Variants in SCYL2 observed in about 807,000 individuals in gnomAD.
SCYL2 encodes the protein SCY1-like protein 2.
Under a neutral mutation model 100.4 loss-of-function variants are expected in SCYL2, and 36 were observed. The ratio of observed to expected loss-of-function variants is 0.36; its 90% CI spans 0.27 to 0.47. The LOEUF (loss-of-function observed/expected upper bound fraction) is 0.47. Ranked by LOEUF, SCYL2 falls within the 20% of genes least tolerant of loss-of-function variation. The pLI is 1.00. For synonymous variants in SCYL2, 330 were observed against 359.2 expected (o/e 0.92, Z 0.92); for missense variants, 902 against 1,083.9 (o/e 0.83, Z 2.36).
chr12:100,331,962 C>G lies in SCYL2; in HGVS notation c.1762-2204C>G, dbSNP rs544820571. 5.9e-5 allele frequency among the ~76,000 whole-genome samples: 9 copies of G among 152,218 alleles called. No homozygotes were observed. In the East Asian group the frequency reaches 1.7e-3, roughly 29 times the overall value. Reference sequence around the variant, plus strand: ...TGTGTTTGAGGGGGGTTTCTAAGACCACCCCCAGAATGGATGATTCAGTAG... The same window carrying G: ...TGTGTTTGAGGGGGGTTTCTAAGACGACCCCCAGAATGGATGATTCAGTAG... On this transcript the variant is annotated intron_variant, in intron 13 of 17. Coordinates refer to ENST00000360820, the MANE Select transcript of SCYL2 (RefSeq NM_017988.6).
chr12:100,335,270 C>T (rs186804047), intron 14 of SCYL2, among the ~76,000 whole-genome samples: 47 of 152,130 alleles, frequency 3.1e-4, no homozygotes, highest in African/African-American at 9.1e-4. Flanking sequence ...TTATAGCATT[C>T]ATTGTTAGTA....
chr12:100,268,380 C>T (rs938486251), intron 1 of SCYL2, among the ~76,000 whole-genome samples: 16 of 152,172 alleles, frequency 1.1e-4, no homozygotes, highest in Non-Finnish European at 1.8e-4. Flanking sequence ...CTTGAAGATT[C>T]CTTTTGGACT....
chr12:100,320,863 T>C (rs1206060489), intron 10 of SCYL2, among the ~76,000 whole-genome samples: 1 of 152,190 alleles, frequency 6.6e-6, no homozygotes, highest in African/African-American at 2.4e-5. Flanking sequence ...ACTGACTGCT[T>C]ACACTTGCCC....
intron 2 of SCYL2, among the ~76,000 whole-genome samples, chr12:100,286,784 A>G (rs1259837730): frequency 6.6e-6 from 1 of 151,670 alleles, no homozygotes; most frequent in African/African-American, 2.4e-5. Flanking sequence ...TAATTAAATT[A>G]TAATAAATAA....
chr12:100,272,495 G>A (rs1233916825), intron 1 of SCYL2, among the ~76,000 whole-genome samples: 1 of 152,052 alleles, frequency 6.6e-6, no homozygotes, highest in Non-Finnish European at 1.5e-5. Flanking sequence ...TACCATACTG[G>A]CTCATCGTGC....
At position 100,312,456 on chromosome 12, in the gene SCYL2, G is replaced by C. The variant is rs2135901611; in HGVS notation, c.655G>C (p.Asp219His). The C allele has an allele frequency of 6.2e-7, 1 of 1,612,540 alleles. No homozygotes were observed. Residue 219 changes from aspartate (D) to histidine (H), a missense_variant, in exon 6 of 18, where the codon GAC becomes CAC. By Grantham distance (81) the Asp-to-His change is moderately conservative (BLOSUM62 -1). Coordinates refer to ENST00000360820, the MANE Select transcript of SCYL2 (RefSeq NM_017988.6). ...QEPKFPCKEW[D>H]PNLPSLCLPN... ...GCCTAAATTTCCTTGTAAAGAATGG[G>C]ACCCAAATTTACCTTCATTGTGTCT...
chr12:100,333,240 T>C (rs1952233690), intron 13 of SCYL2, among the ~76,000 whole-genome samples: 1 of 152,136 alleles, frequency 6.6e-6, no homozygotes. Flanking sequence ...CTGCTGCTGA[T>C]AGAGCATGGT....
chr12:100,293,487 C>T (rs1416737355), intron 3 of SCYL2, among the ~76,000 whole-genome samples: 1 of 151,812 alleles, frequency 6.6e-6, no homozygotes, highest in African/African-American at 2.4e-5. Context: ...TAGAATCCTA[C>T]CTATCCTTGT....
chr12:100,309,416 A>G (rs2096339373), intron 4 of SCYL2, among the ~76,000 whole-genome samples: 1 of 152,022 alleles, frequency 6.6e-6, no homozygotes, highest in South Asian at 2.1e-4. Context: ...TGGCAACCAC[A>G]ATTGTACTTT....
intron 3 of SCYL2, among the ~76,000 whole-genome samples, chr12:100,294,120 C>CCTAACCTCCCGGA (rs2096314042): frequency 7.1e-6 from 1 of 140,746 alleles, no homozygotes; most frequent in Non-Finnish European, 1.6e-5. Context: ...CAGAGGCGCC[C>CCTAACCTCCCGGA]CTCACCTCCC....
At chr12:100,310,030 G>C (rs1038330382) in intron 4 of SCYL2, among the ~76,000 whole-genome samples, 5 of 149,670 alleles carry the variant, frequency 3.3e-5, no homozygotes, top group Admixed American at 2.7e-4. Context: ...ATGGCGTCTT[G>C]CTGTGTTGCC....
At chr12:100,299,682 G>A (rs541565112) in intron 4 of SCYL2, among the ~76,000 whole-genome samples, 1 of 151,780 alleles carries the variant, frequency 6.6e-6, no homozygotes, top group African/African-American at 2.4e-5. Context: ...TTCACATGTT[G>A]TGTGTATCAA....
At chr12:100,328,351 A>G in intron 12 of SCYL2, among the ~76,000 whole-genome samples, 1 of 152,208 alleles carries the variant, frequency 6.6e-6, no homozygotes, top group East Asian at 1.9e-4. Context: ...TGGCTCTGTC[A>G]GTTCTTGAGG....
intron 4 of SCYL2, among the ~76,000 whole-genome samples, chr12:100,307,796 A>G (rs2096336487): frequency 1.3e-5 from 2 of 152,234 alleles, no homozygotes; most frequent in Admixed American, 1.3e-4. Context: ...ACAAATTTAC[A>G]AGAAAAAACA....
At position 100,296,534 on chromosome 12, in the gene SCYL2, A is replaced by G. The variant is rs193113549; in HGVS notation, c.336-1497A>G. ...ATGGCAGGAGAATTGGCAGCATGTC[A>G]TGGAAGCAAAAGGAAGGAAAAAGAA... is the stretch of plus-strand genomic sequence containing the variant. On this transcript the variant is annotated intron_variant, in intron 3 of 17. Coordinates refer to ENST00000360820, the MANE Select transcript of SCYL2 (RefSeq NM_017988.6). 1.5e-4 allele frequency among the ~76,000 whole-genome samples: 23 copies of G among 152,342 alleles called. No homozygotes were observed. The East Asian group carries it at 4.4e-3, about 29-fold the overall frequency.
At chr12:100,323,406 T>TA (rs1339857805) in intron 10 of SCYL2, 119 bp from the exon 11 acceptor site, 1 of 643,380 alleles carries the variant, frequency 1.6e-6, no homozygotes, top group Admixed American at 3.1e-5. Context: ...CCAAATAATA[T>TA]ATATGAAAAT....
intron 3 of SCYL2, among the ~76,000 whole-genome samples, chr12:100,294,387 C>G (rs1592940112): frequency 1.0e-5 from 1 of 95,994 alleles, no homozygotes; most frequent in Non-Finnish European, 2.2e-5. Context: ...GGGGGGCTGA[C>G]CCCCCCACCT....
chr12:100,338,000 A>G (rs560857316), intron 17 of SCYL2, among the ~76,000 whole-genome samples: 2 of 152,246 alleles, frequency 1.3e-5, no homozygotes, highest in Non-Finnish European at 2.9e-5. Flanking sequence ...GCTTGTAGAG[A>G]GTTTACACTG....
chr12:100,292,782 C>T (rs1400632234), intron 3 of SCYL2, among the ~76,000 whole-genome samples: 1 of 152,142 alleles, frequency 6.6e-6, no homozygotes, highest in Admixed American at 6.5e-5. Context: ...TTATTTTTTA[C>T]TGCACCATGC....
Sources: allele counts gnomAD v4.1 joint callset (sites outside exome capture counted in the v4.1 genomes callset), GRCh38; gene constraint gnomAD v4.1.1; transcripts MANE v1.5; gene names NCBI Gene and HGNC (gene_info 2026-07-23, HGNC 2026-07-21).